LRP1B: variants seen among roughly 807,000 people sequenced by gnomAD.
LRP1B encodes the protein LDL receptor related protein 1B.
In LRP1B, 217 loss-of-function variants were observed where a neutral mutation model predicts 556.6. The observed-to-expected ratio is 0.39, with a 90% CI of 0.35 to 0.44. The LOEUF is 0.44. LRP1B is among the 20% of genes least tolerant of loss of function. LRP1B has a pLI of 1.00. For synonymous variants in LRP1B, 2,047 were observed against 1,865.8 expected (o/e 1.10, Z -2.50); for missense variants, 5,053 against 5,620.8 (o/e 0.90, Z 3.23).
intron 1 of LRP1B, among the ~76,000 whole-genome samples, chr2:141,880,654 C>T (rs1179251325): frequency 6.6e-6 from 1 of 151,976 alleles, no homozygotes; most frequent in Non-Finnish European, 1.5e-5. Flanking sequence ...TAGCTACTCT[C>T]ATGCACTGCT....
rs70994453 is a variant in LRP1B, at chr2:141,818,531, C to CTTTTTTT, written c.83-8137_83-8131dup. On this transcript the variant is annotated intron_variant, in intron 1 of 90. Coordinates refer to ENST00000389484, the MANE Select transcript of LRP1B (RefSeq NM_018557.3). ...TTCCCTAAATATAACATTTCTGTAT[C>CTTTTTTT]TTTTTTTTTTTTTTTTTTTTTTTGA... Among the ~76,000 whole-genome samples the CTTTTTTT allele has an allele frequency of 4.8e-3, 391 of 82,026 alleles. 1 individual carries two copies. Among genetic ancestry groups the CTTTTTTT allele is most frequent in the Non-Finnish European group, 5.3e-3 (249 of 46,662 alleles). 53.8% of individuals were successfully genotyped at this position (82,026 alleles called of 152,430 possible).
chr2:140,965,805 T>TTTC (rs1553438383), intron 18 of LRP1B, among the ~76,000 whole-genome samples: 1 of 888 alleles, frequency 1.1e-3, no homozygotes, highest in Non-Finnish European at 0.029. Flanking sequence ...ACATGCAGTG[T>TTTC]TTTTTTTTTT....
chr2:141,807,616 A>C (rs987265384), intron 2 of LRP1B, among the ~76,000 whole-genome samples: 13 of 152,144 alleles, frequency 8.5e-5, no homozygotes, highest in African/African-American at 2.9e-4. Flanking sequence ...TTTATTTTAC[A>C]AACTAAGTAA....
chr2:141,454,722 G>C (rs986594355), intron 3 of LRP1B, among the ~76,000 whole-genome samples: 1 of 124,790 alleles, frequency 8.0e-6, no homozygotes, highest in Non-Finnish European at 1.7e-5. Context: ...TTTCGTGAAG[G>C]TCAGTTCATG....
At chr2:142,082,505 C>T (rs547476203) in intron 1 of LRP1B, among the ~76,000 whole-genome samples, 1 of 152,300 alleles carries the variant, frequency 6.6e-6, no homozygotes, top group African/African-American at 2.4e-5. Flanking sequence ...TGACAGTGAG[C>T]AGCCACACTG....
chr2:141,304,378 A>C (rs1301965730), intron 3 of LRP1B, among the ~76,000 whole-genome samples: 1 of 151,418 alleles, frequency 6.6e-6, no homozygotes, highest in East Asian at 1.9e-4. Context: ...ATTTTCTTCT[A>C]GTGATTTTAT....
chr2:140,921,669 C>T (rs1291954639), intron 21 of LRP1B, among the ~76,000 whole-genome samples: 1 of 151,836 alleles, frequency 6.6e-6, no homozygotes, highest in East Asian at 1.9e-4. Flanking sequence ...TGAAGAGAGT[C>T]ACATAATTGT....
At chr2:140,554,720 G>C (rs1254833955) in intron 43 of LRP1B, among the ~76,000 whole-genome samples, 3 of 151,882 alleles carry the variant, frequency 2.0e-5, no homozygotes, top group Non-Finnish European at 4.4e-5. Context: ...TGTAACCCAA[G>C]TGCTTAAAAC....
At chr2:140,881,794 C>T (rs976434530) in intron 25 of LRP1B, among the ~76,000 whole-genome samples, 4 of 152,150 alleles carry the variant, frequency 2.6e-5, no homozygotes, top group Non-Finnish European at 4.4e-5. Flanking sequence ...TAACTTTCAA[C>T]TCTTCGAGGA....
At chr2:141,317,453 T>A (rs932856268) in intron 3 of LRP1B, among the ~76,000 whole-genome samples, 1 of 152,128 alleles carries the variant, frequency 6.6e-6, no homozygotes, top group African/African-American at 2.4e-5. Context: ...ATCAGCCATA[T>A]TGAATTAGGG....
chr2:140,893,788 C>T (rs957904859), intron 23 of LRP1B, among the ~76,000 whole-genome samples: 1 of 151,980 alleles, frequency 6.6e-6, no homozygotes, highest in Admixed American at 6.6e-5. Flanking sequence ...TGATAGTGAA[C>T]GGAATATGTG....
At chr2:140,615,209 G>A (rs1225761185) in intron 41 of LRP1B, among the ~76,000 whole-genome samples, 1 of 152,006 alleles carries the variant, frequency 6.6e-6, no homozygotes. Context: ...CACCTGGACT[G>A]GTAACCCATA....
intron 2 of LRP1B, among the ~76,000 whole-genome samples, chr2:141,605,381 TA>T (rs769913136): frequency 2.4e-4 from 35 of 145,814 alleles, no homozygotes; most frequent in Non-Finnish European, 4.6e-4. Context: ...ATTTTTATTT[TA>T]TTTTTTTTGA....
At chr2:142,093,383 C>T (rs1339607944) in intron 1 of LRP1B, among the ~76,000 whole-genome samples, 1 of 152,028 alleles carries the variant, frequency 6.6e-6, no homozygotes, top group Non-Finnish European at 1.5e-5. Flanking sequence ...AAAAATTAAC[C>T]TTTATCTTAC....
rs1411686636 is a variant in LRP1B, at chr2:141,553,766, TG to T, written c.206-73234del. ...TATAAAATATATAATATATTATATA[TG>T]TTTATATTATATATAAATATATAGA... On this transcript the variant is annotated intron_variant, in intron 2 of 90. Transcript: ENST00000389484. Among the ~76,000 whole-genome samples, 25 of 139,702 alleles carry T rather than the reference TG, an allele frequency of 1.8e-4. No homozygotes were observed. The East Asian group carries it at 4.8e-3, about 27-fold the overall frequency. 91.6% of individuals were successfully genotyped at this position (139,702 alleles called of 152,430 possible). A position where few individuals can be genotyped will look rare whatever the true frequency, so the allele number is the denominator to read the frequency against.
At chr2:142,016,897 C>A (rs1474692193) in intron 1 of LRP1B, among the ~76,000 whole-genome samples, 1 of 148,970 alleles carries the variant, frequency 6.7e-6, no homozygotes, top group Non-Finnish European at 1.5e-5. Flanking sequence ...TATGTATATA[C>A]ACACACATAT....
At chr2:141,527,017 G>A (rs1017940646) in intron 2 of LRP1B, among the ~76,000 whole-genome samples, 6 of 151,996 alleles carry the variant, frequency 3.9e-5, no homozygotes, top group Non-Finnish European at 7.4e-5. Context: ...AGAAACATAC[G>A]AATACATTTT....
intron 2 of LRP1B, among the ~76,000 whole-genome samples, chr2:141,728,296 C>G (rs1437556803): frequency 6.6e-6 from 1 of 152,054 alleles, no homozygotes; most frequent in Non-Finnish European, 1.5e-5. Context: ...ACATAAATGC[C>G]TGGCCCTCTT....
At chr2:141,756,936 T>C (rs546380250) in intron 2 of LRP1B, among the ~76,000 whole-genome samples, 1 of 152,238 alleles carries the variant, frequency 6.6e-6, no homozygotes, top group South Asian at 2.1e-4. Context: ...TATATAAAAA[T>C]ATATATCTAT....
Sources: allele counts gnomAD v4.1 joint callset (sites outside exome capture counted in the v4.1 genomes callset), GRCh38; gene constraint gnomAD v4.1.1; transcripts MANE v1.5; gene names NCBI Gene and HGNC (gene_info 2026-07-23, HGNC 2026-07-21).